The following ERC2 variants were observed in gnomAD, a reference collection of about 807,000 sequenced individuals.
ERC2 encodes the protein ELKS/RAB6-interacting/CAST family member 2, also known as ERC protein 2.
ERC2 carries 42 observed loss-of-function variants against 114.8 expected under a neutral mutation model. That is an observed-to-expected ratio of 0.37 (90% CI 0.29 to 0.47). The LOEUF (loss-of-function observed/expected upper bound fraction) is 0.47, where lower values mean the gene tolerates loss of function less well. ERC2 is among the 20% of genes least tolerant of loss of function. ERC2 has a pLI of 0.99. For synonymous variants in ERC2, 454 were observed against 425.5 expected (o/e 1.07, Z -0.82); for missense variants, 939 against 1,150.7 (o/e 0.82, Z 2.66).
chr3:55,545,045 G>A (rs1170180933), intron 17 of ERC2, among the ~76,000 whole-genome samples: 10 of 152,110 alleles, frequency 6.6e-5, no homozygotes, highest in African/African-American at 2.4e-4. Context: ...ACCTTCATCT[G>A]TATTGTCAGT....
At chr3:55,753,879 G>A (rs2066883254) in intron 14 of ERC2, among the ~76,000 whole-genome samples, 1 of 152,092 alleles carries the variant, frequency 6.6e-6, no homozygotes, top group Admixed American at 6.6e-5. Flanking sequence ...CACAAATCTG[G>A]GTTTAAATTC....
At chr3:56,203,059 G>C (rs530936142) in intron 3 of ERC2, among the ~76,000 whole-genome samples, 4 of 152,200 alleles carry the variant, frequency 2.6e-5, no homozygotes, top group Non-Finnish European at 5.9e-5. Flanking sequence ...AGCTAAGAAA[G>C]CTCTTGGGTA....
intron 15 of ERC2, among the ~76,000 whole-genome samples, chr3:55,728,303 A>C (rs2065043652): frequency 6.6e-6 from 1 of 152,116 alleles, no homozygotes; most frequent in Non-Finnish European, 1.5e-5. Context: ...ATCATCACAA[A>C]ACAAATGGAA....
chr3:56,180,718 G>A (rs992576184), intron 3 of ERC2, among the ~76,000 whole-genome samples: 1 of 152,166 alleles, frequency 6.6e-6, no homozygotes, highest in African/African-American at 2.4e-5. Flanking sequence ...AAAAGTCCTA[G>A]AGATTGGTTG....
At chr3:55,683,327 A>G (rs1259265146) in intron 17 of ERC2, among the ~76,000 whole-genome samples, 1 of 152,222 alleles carries the variant, frequency 6.6e-6, no homozygotes, top group Non-Finnish European at 1.5e-5. Flanking sequence ...TTTCAGCTCC[A>G]TGAAGATACA....
chr3:55,872,106 G>C (rs1163597788), intron 14 of ERC2, among the ~76,000 whole-genome samples: 2 of 152,202 alleles, frequency 1.3e-5, no homozygotes, highest in East Asian at 1.9e-4. Context: ...GTCATGTGGG[G>C]GTTCACTTTA....
chr3:56,052,575 T>A (rs898917994), intron 7 of ERC2, among the ~76,000 whole-genome samples: 7 of 152,188 alleles, frequency 4.6e-5, no homozygotes, highest in African/African-American at 1.7e-4. Context: ...TGAGGAGATA[T>A]TTAAATTCTG....
At chr3:55,620,093 G>C (rs564019003) in intron 17 of ERC2, among the ~76,000 whole-genome samples, 9 of 152,292 alleles carry the variant, frequency 5.9e-5, no homozygotes, top group African/African-American at 2.2e-4. Flanking sequence ...TAAGTTGGCT[G>C]TTTGCCTTTT....
Position 55,999,742 on chromosome 3 carries a change from C to A in ERC2, c.2061+7439G>T, listed in dbSNP as rs546353094. ...CTGTAAAAAGCCACTGGAATAAATA[C>A]AAGTTGGATCAGGTTTATGAATGGA... On this transcript the variant is annotated intron_variant, in intron 10 of 17. Coordinates refer to ENST00000288221, the MANE Select transcript of ERC2 (RefSeq NM_015576.3). Among the ~76,000 whole-genome samples the A allele has an allele frequency of 6.3e-4, 96 of 151,496 alleles. 2 individuals carry two copies. In the South Asian group the frequency reaches 0.019, roughly 29 times the overall value.
intron 17 of ERC2, among the ~76,000 whole-genome samples, chr3:55,677,692 AC>A: frequency 6.6e-6 from 1 of 152,036 alleles, no homozygotes; most frequent in Non-Finnish European, 1.5e-5. Context: ...ACTGTTAGCC[AC>A]CCCACCATAG....
intron 17 of ERC2, among the ~76,000 whole-genome samples, chr3:55,683,012 G>A (rs757923947): frequency 6.6e-6 from 1 of 152,182 alleles, no homozygotes; most frequent in Non-Finnish European, 1.5e-5. Flanking sequence ...CAATCGTAAT[G>A]CAGACAGGAT....
intron 7 of ERC2, among the ~76,000 whole-genome samples, chr3:56,054,149 T>C (rs1025352919): frequency 4.6e-5 from 7 of 152,234 alleles, no homozygotes; most frequent in African/African-American, 1.2e-4. Flanking sequence ...GAGAATGATA[T>C]AAAGTTGGTC....
At chr3:55,534,395 C>CAAAA (rs34419845) in intron 17 of ERC2, among the ~76,000 whole-genome samples, 10 of 107,262 alleles carry the variant, frequency 9.3e-5, no homozygotes, top group East Asian at 2.4e-4. Flanking sequence ...GAGACCCTGT[C>CAAAA]AAAAAAAAAA....
At chr3:56,273,009 T>C (rs371746373) in intron 3 of ERC2, among the ~76,000 whole-genome samples, 1 of 152,222 alleles carries the variant, frequency 6.6e-6, no homozygotes, top group Non-Finnish European at 1.5e-5. Flanking sequence ...CTTTCCTTCA[T>C]AGCATCAGCT....
In ERC2 at chr3:55,583,543, T is replaced by C. The variant is rs1445994114; in HGVS notation, c.*40-72267A>G. On this transcript the variant is annotated intron_variant, in intron 17 of 17. Transcript: ENST00000288221. Reference sequence around the variant, plus strand: ...TCCCTCCCTTCCTTCCTTCCTTCCTTTCTTCCTTCCTTCCTTCCTTCCTTC... The same window carrying C: ...TCCCTCCCTTCCTTCCTTCCTTCCTCTCTTCCTTCCTTCCTTCCTTCCTTC... Among the ~76,000 whole-genome samples, 40 of 35,630 alleles carry C rather than the reference T, an allele frequency of 1.1e-3. 1 individual carries two copies. The highest frequency in any genetic ancestry group is 1.9e-3 in the Admixed American group (6 of 3,238). The allele number at this position is 35,630 out of a possible 152,430, so 23.4% of individuals were successfully genotyped here. A position where few individuals can be genotyped will look rare whatever the true frequency, so the allele number is the denominator to read the frequency against.
At chr3:56,274,828 A>G (rs2053892295) in intron 3 of ERC2, among the ~76,000 whole-genome samples, 1 of 152,232 alleles carries the variant, frequency 6.6e-6, no homozygotes. Flanking sequence ...GAGAGAAAGA[A>G]GAAAAAAGAA....
At chr3:55,769,057 A>G (rs917314571) in intron 14 of ERC2, among the ~76,000 whole-genome samples, 3 of 152,104 alleles carry the variant, frequency 2.0e-5, no homozygotes, top group African/African-American at 7.2e-5. Context: ...TCTATGATGA[A>G]CTGGGATGAG....
At chr3:55,978,628 C>T (rs900010259) in intron 12 of ERC2, among the ~76,000 whole-genome samples, 12 of 152,204 alleles carry the variant, frequency 7.9e-5, no homozygotes, top group African/African-American at 1.2e-4. Context: ...CTGTGTTCCA[C>T]GCTCAGTGTG....
At chr3:55,721,633 T>G (rs1216404278) in intron 15 of ERC2, among the ~76,000 whole-genome samples, 1 of 152,244 alleles carries the variant, frequency 6.6e-6, no homozygotes, top group African/African-American at 2.4e-5. Context: ...GGGCTAGAAC[T>G]CTTGGGTCCA....
Sources: allele counts gnomAD v4.1 joint callset (sites outside exome capture counted in the v4.1 genomes callset), GRCh38; gene constraint gnomAD v4.1.1; transcripts MANE v1.5; gene names NCBI Gene and HGNC (gene_info 2026-07-23, HGNC 2026-07-21).